The following TRPC4 variants were observed in gnomAD, a reference collection of about 807,000 sequenced individuals.
TRPC4 encodes short transient receptor potential channel 4.
Under a neutral mutation model 99.4 loss-of-function variants are expected in TRPC4, and 49 were observed. The ratio of observed to expected loss-of-function variants is 0.49; its 90% confidence interval spans 0.39 to 0.63. The LOEUF (loss-of-function observed/expected upper bound fraction) is 0.63, where lower values mean the gene tolerates loss of function less well. Ranked by LOEUF, TRPC4 falls within the 20% of genes least tolerant of loss-of-function variation. The pLI is 0.00. For missense variants in TRPC4, 898 were observed against 1,152.9 expected, an observed-to-expected ratio of 0.78 and a Z score of 3.20; for synonymous variants, 454 against 425.9, an observed-to-expected ratio of 1.07 and a Z score of -0.81.
chr13:37,784,688 G>T (rs1260550157), intron 1 of TRPC4, among the ~76,000 whole-genome samples: 2 of 151,796 alleles, frequency 1.3e-5, no homozygotes, highest in Non-Finnish European at 2.9e-5. Flanking sequence ...AAATGAATTT[G>T]ATTTGTATAA....
Position 37,746,183 on chromosome 13 carries a change from A to G in TRPC4, c.651T>C (p.Phe217=). The G allele has an allele frequency of 6.2e-7, 1 of 1,613,858 alleles. No homozygotes were observed. Among genetic ancestry groups the G allele is most frequent in the Non-Finnish European group, 8.5e-7 (1 of 1,179,874 alleles). ...SLIALSSEDP[F]LTAFQLSWEL... is the part of the protein sequence containing the mutation. ...CCCAACTTAACTGAAAGGCTGTGAG[A>G]AAAGGATCTTCGCTTGACAGTGCAA... Residue 217 remains phenylalanine (F), a synonymous_variant, in exon 3 of 11, where the codon TTT becomes TTC. Coordinates refer to ENST00000379705, the MANE Select transcript of TRPC4 (RefSeq NM_016179.4).
intron 5 of TRPC4, among the ~76,000 whole-genome samples, chr13:37,671,576 T>TAA (rs11411634): frequency 2.3e-4 from 34 of 147,166 alleles, no homozygotes; most frequent in South Asian, 4.2e-4. Flanking sequence ...AAGACAAAAG[T>TAA]AAAAAAAAAA....
intron 2 of TRPC4, among the ~76,000 whole-genome samples, chr13:37,757,622 G>A (rs1448925659): frequency 1.3e-5 from 2 of 151,648 alleles, no homozygotes; most frequent in Non-Finnish European, 2.9e-5. Flanking sequence ...TAGAGTATCA[G>A]GTTGAAGAAA....
intron 3 of TRPC4, among the ~76,000 whole-genome samples, chr13:37,693,895 G>A (rs1953819866): frequency 6.6e-6 from 1 of 152,068 alleles, no homozygotes; most frequent in Non-Finnish European, 1.5e-5. Context: ...GCTGGGGTAG[G>A]GGGGACTATC....
intron 1 of TRPC4, among the ~76,000 whole-genome samples, chr13:37,804,768 G>C (rs561083363): frequency 1.2e-4 from 18 of 152,142 alleles, no homozygotes; most frequent in Non-Finnish European, 2.5e-4. Flanking sequence ...ATGTGTGACT[G>C]TTTCTTATAA....
intron 6 of TRPC4, among the ~76,000 whole-genome samples, chr13:37,660,114 G>A (rs1952378864): frequency 6.6e-6 from 1 of 152,080 alleles, no homozygotes; most frequent in South Asian, 2.1e-4. Context: ...TGTTAAAAGG[G>A]TCTCAGGTTA....
chr13:37,766,550 T>A (rs1956373234), intron 2 of TRPC4, among the ~76,000 whole-genome samples: 1 of 151,214 alleles, frequency 6.6e-6, no homozygotes, highest in South Asian at 2.1e-4. Context: ...GGTGAAAAAA[T>A]GTGCTGGTCC....
chr13:37,711,878 A>G (rs1000162668), intron 3 of TRPC4, among the ~76,000 whole-genome samples: 2 of 152,088 alleles, frequency 1.3e-5, no homozygotes, highest in African/African-American at 4.8e-5. Flanking sequence ...ATTAATTTTA[A>G]TAATGGCATT....
At chr13:37,825,826 C>T (rs1022128668) in intron 1 of TRPC4, among the ~76,000 whole-genome samples, 16 of 151,712 alleles carry the variant, frequency 1.1e-4, no homozygotes, top group African/African-American at 3.6e-4. Flanking sequence ...CCTGGGTATC[C>T]TTGTTGACTT....
At chr13:37,819,096 C>A (rs1231624427) in intron 1 of TRPC4, among the ~76,000 whole-genome samples, 1 of 151,968 alleles carries the variant, frequency 6.6e-6, no homozygotes, top group Non-Finnish European at 1.5e-5. Flanking sequence ...TATCACTGAT[C>A]ATTAGAGACA....
chr13:37,853,776 T>C (rs2139686439), intron 1 of TRPC4, among the ~76,000 whole-genome samples: 1 of 152,132 alleles, frequency 6.6e-6, no homozygotes, highest in South Asian at 2.1e-4. Context: ...TTGAAAAATG[T>C]AATTCACATG....
At chr13:37,845,325 T>C (rs1449409211) in intron 1 of TRPC4, among the ~76,000 whole-genome samples, 4 of 152,134 alleles carry the variant, frequency 2.6e-5, no homozygotes, top group Admixed American at 6.6e-5. Context: ...AATGGAGATC[T>C]ATAAAATGAC....
Position 37,642,746 on chromosome 13 carries a change from T to C in TRPC4, c.2080-3447A>G, listed in dbSNP as rs982648269. ...TGATTCTTTCTTTTTCTTTTTTTTT[T>C]TTTTTTTTGAGATAGAATCTCACTC... On this transcript the variant is annotated intron_variant, in intron 8 of 10. Transcript: ENST00000379705. Among the ~76,000 whole-genome samples, 37 of 151,168 alleles carry C rather than the reference T, an allele frequency of 2.4e-4. 1 individual carries two copies. Among genetic ancestry groups the C allele is most frequent in the African/African-American group, 7.0e-4 (29 of 41,222 alleles).
intron 1 of TRPC4, among the ~76,000 whole-genome samples, chr13:37,845,529 G>T (rs1344392233): frequency 6.6e-6 from 1 of 151,862 alleles, no homozygotes; most frequent in Admixed American, 6.6e-5. Flanking sequence ...AAATTAAATA[G>T]AAAGTTTCAA....
At chr13:37,731,929 G>A (rs1856983845) in intron 3 of TRPC4, among the ~76,000 whole-genome samples, 1 of 151,984 alleles carries the variant, frequency 6.6e-6, no homozygotes, top group South Asian at 2.1e-4. Context: ...TATATGTGAA[G>A]CTTTGTTATT....
intron 3 of TRPC4, among the ~76,000 whole-genome samples, chr13:37,725,711 C>T (rs546344250): frequency 9.9e-5 from 15 of 152,128 alleles, no homozygotes; most frequent in African/African-American, 3.1e-4. Context: ...TCAATCATAC[C>T]TCAAGAAAGC....
chr13:37,835,188 A>G lies in TRPC4; in HGVS notation c.-28+34407T>C, dbSNP rs77492825. 5.9e-3 allele frequency among the ~76,000 whole-genome samples: 901 copies of G among 152,278 alleles called. 7 individuals are homozygous for G. Among genetic ancestry groups the G allele is most frequent in the African/African-American group, 0.021 (865 of 41,560 alleles). ...CCTTTCAAAGTTGGTAGTCAGTTTT[A>G]CTTGCTTCAGTCGGCTGACTGTTTC... On this transcript the variant is annotated intron_variant, in intron 1 of 10. Coordinates refer to ENST00000379705, the MANE Select transcript of TRPC4 (RefSeq NM_016179.4).
chr13:37,738,663 T>C (rs1201628265), intron 3 of TRPC4, among the ~76,000 whole-genome samples: 4 of 152,096 alleles, frequency 2.6e-5, no homozygotes, highest in Admixed American at 2.6e-4. Flanking sequence ...CCCATTGCAA[T>C]AGATGAACAA....
Position 37,708,124 on chromosome 13 carries a change from A to T in TRPC4, c.898-15789T>A, listed in dbSNP as rs563973326. Reference sequence around the variant, plus strand: ...GGCCTCCATACTTGATAGTAAATAGAATTAAAATCTTAGCAATAATAAACA... The same window carrying T: ...GGCCTCCATACTTGATAGTAAATAGTATTAAAATCTTAGCAATAATAAACA... On this transcript the variant is annotated intron_variant, in intron 3 of 10. Transcript: ENST00000379705. Among the ~76,000 whole-genome samples the T allele has an allele frequency of 2.0e-5, 3 of 152,284 alleles. No individual in the cohort carries two copies. In the East Asian group the frequency reaches 5.8e-4, roughly 29 times the overall value.
Sources: allele counts gnomAD v4.1 joint callset (sites outside exome capture counted in the v4.1 genomes callset), GRCh38; gene constraint gnomAD v4.1.1; transcripts MANE v1.5; gene names NCBI Gene and HGNC (gene_info 2026-07-23, HGNC 2026-07-21).